Variants in ESRRG observed in about 807,000 individuals in gnomAD.
ESRRG encodes estrogen related receptor gamma, also known as estrogen-related receptor gamma.
In ESRRG, 13 loss-of-function variants were observed where a neutral mutation model predicts 44.0. The observed-to-expected ratio is 0.30, with a 90% CI of 0.19 to 0.47. ESRRG has a LOEUF of 0.47. Ranked by LOEUF, ESRRG falls within the 20% of genes least tolerant of loss-of-function variation. The pLI, the probability that ESRRG is intolerant of heterozygous loss-of-function variation, is 1.00. For missense variants in ESRRG, 395 were observed against 580.6 expected (o/e 0.68, Z 3.29); for synonymous variants, 215 against 214.6 (o/e 1.00, Z -0.02).
intron 2 of ESRRG, among the ~76,000 whole-genome samples, chr1:216,931,847 AAAAC>A (rs1297860531): frequency 6.6e-6 from 1 of 152,018 alleles, no homozygotes; most frequent in African/African-American, 2.4e-5. Context: ...AAAAAAAAAA[AAAAC>A]ACAAAATAAA....
At chr1:216,696,440 A>G (rs1032545823) in intron 1 of ESRRG, among the ~76,000 whole-genome samples, 2 of 152,186 alleles carry the variant, frequency 1.3e-5, no homozygotes, top group Admixed American at 6.5e-5. Context: ...GCCATGATGT[A>G]CCTGTCTTGA....
intron 5 of ESRRG, among the ~76,000 whole-genome samples, chr1:216,553,963 A>G (rs2056981645): frequency 6.6e-6 from 1 of 152,136 alleles, no homozygotes. Flanking sequence ...GGGCGTTATG[A>G]CCATTTAGCA....
chr1:217,003,093 T>C (rs2077258375), intron 1 of ESRRG, among the ~76,000 whole-genome samples: 1 of 152,226 alleles, frequency 6.6e-6, no homozygotes, highest in African/African-American at 2.4e-5. Context: ...CTTTTGAATT[T>C]CTGAACTCAA....
intron 1 of ESRRG, among the ~76,000 whole-genome samples, chr1:216,701,943 C>T (rs1186031309): frequency 6.6e-6 from 1 of 152,102 alleles, no homozygotes; most frequent in East Asian, 1.9e-4. Context: ...TCAAGAAGAA[C>T]CACTAAAAGG....
upstream of ESRRG, among the ~76,000 whole-genome samples, chr1:216,723,959 T>C (rs770210350): frequency 2.0e-5 from 3 of 152,166 alleles, no homozygotes; most frequent in Admixed American, 6.5e-5. Flanking sequence ...CGCGGCTTAT[T>C]TGGTGCTGTA....
intron 1 of ESRRG, among the ~76,000 whole-genome samples, chr1:216,721,417 T>A (rs929627861): frequency 1.3e-5 from 2 of 152,198 alleles, no homozygotes; most frequent in Non-Finnish European, 2.9e-5. Context: ...TAGCGTTAGA[T>A]CTTTCTGTCT....
At chr1:216,801,281 C>A (rs564308541) in intron 2 of ESRRG, among the ~76,000 whole-genome samples, 8 of 152,136 alleles carry the variant, frequency 5.3e-5, no homozygotes, top group African/African-American at 1.9e-4. Flanking sequence ...GTTGTCCAGG[C>A]TGGACTCGAA....
At chr1:216,867,503 G>A (rs551528077) in intron 2 of ESRRG, among the ~76,000 whole-genome samples, 1 of 152,164 alleles carries the variant, frequency 6.6e-6, no homozygotes, top group South Asian at 2.1e-4. Flanking sequence ...AACTACTTAA[G>A]ATAACATATC....
At chr1:216,610,056 T>C (rs1015739594) in intron 3 of ESRRG, among the ~76,000 whole-genome samples, 2 of 152,216 alleles carry the variant, frequency 1.3e-5, no homozygotes, top group Non-Finnish European at 2.9e-5. Flanking sequence ...CTATATGGTA[T>C]TTGGTACAGA....
At chr1:216,576,596 T>C (rs754216161) in intron 3 of ESRRG, among the ~76,000 whole-genome samples, 51 of 151,932 alleles carry the variant, frequency 3.4e-4, no homozygotes, top group Non-Finnish European at 7.1e-4. Flanking sequence ...CCCAAAGAAG[T>C]CTCTTCTTCT....
intron 1 of ESRRG, among the ~76,000 whole-genome samples, chr1:217,096,999 T>G (rs1369310775): frequency 6.6e-6 from 1 of 152,138 alleles, no homozygotes; most frequent in Non-Finnish European, 1.5e-5. Context: ...ACAGATGCTT[T>G]GCTTAGAAGG....
chr1:216,530,751 A>C (rs1264198331), intron 5 of ESRRG, among the ~76,000 whole-genome samples: 2 of 152,182 alleles, frequency 1.3e-5, no homozygotes, highest in Non-Finnish European at 2.9e-5. Flanking sequence ...ATTGCTTATA[A>C]TTTCTGTACT....
At chr1:217,051,540 G>C (rs982568112) in intron 1 of ESRRG, among the ~76,000 whole-genome samples, 12 of 152,178 alleles carry the variant, frequency 7.9e-5, no homozygotes, top group African/African-American at 2.9e-4. Context: ...ATGATGATGA[G>C]TCAATGCACC....
At chr1:216,966,347 A>T (rs897239267) in intron 1 of ESRRG, among the ~76,000 whole-genome samples, 1 of 152,178 alleles carries the variant, frequency 6.6e-6, no homozygotes, top group African/African-American at 2.4e-5. Flanking sequence ...CAGGCTGTCT[A>T]TACGTATGAA....
intron 2 of ESRRG, among the ~76,000 whole-genome samples, chr1:216,915,504 T>A (rs968820378): frequency 6.6e-6 from 1 of 152,144 alleles, no homozygotes; most frequent in African/African-American, 2.4e-5. Context: ...TTCAACACTT[T>A]GAACACAACA....
At chr1:216,918,824 A>T (rs967242569) in intron 2 of ESRRG, among the ~76,000 whole-genome samples, 6 of 148,830 alleles carry the variant, frequency 4.0e-5, no homozygotes, top group Non-Finnish European at 7.4e-5. Flanking sequence ...CCAGAGTAAC[A>T]TTTCTGATCG....
chr1:217,067,523 A>G (rs2089934231), intron 1 of ESRRG, among the ~76,000 whole-genome samples: 1 of 147,312 alleles, frequency 6.8e-6, no homozygotes, highest in South Asian at 2.2e-4. Context: ...TGACATCTAT[A>G]TGACACCAGT....
chr1:216,527,062 T>C (rs1354341958), intron 5 of ESRRG, among the ~76,000 whole-genome samples: 1 of 152,220 alleles, frequency 6.6e-6, no homozygotes, highest in Non-Finnish European at 1.5e-5. Context: ...ACCATTGGAA[T>C]ATGCAAAATG....
intron 1 of ESRRG, among the ~76,000 whole-genome samples, chr1:217,056,411 T>C (rs1463275251): frequency 6.6e-6 from 1 of 152,092 alleles, no homozygotes; most frequent in Non-Finnish European, 1.5e-5. Context: ...GAAACTCATG[T>C]TTATTAAAGG....
Sources: gnomAD v4.1 joint callset for allele counts (sites outside exome capture counted in the v4.1 genomes callset) on GRCh38, gnomAD v4.1.1 for gene constraint, MANE v1.5 for transcripts, NCBI Gene and HGNC (gene_info 2026-07-23, HGNC 2026-07-21) for gene names.